RAB38: variants seen among roughly 807,000 people sequenced by gnomAD.
RAB38 encodes ras-related protein Rab-38.
RAB38 carries 15 observed loss-of-function variants against 18.4 expected under a neutral mutation model. The ratio of observed to expected loss-of-function variants is 0.82; its 90% CI spans 0.55 to 1.26. The LOEUF (loss-of-function observed/expected upper bound fraction) is 1.26, where lower values mean the gene tolerates loss of function less well. Among genes scored for constraint, RAB38 ranks in the 50% most tolerant of loss-of-function variants. RAB38 has a pLI of 0.00. For missense variants in RAB38, 294 were observed against 267.4 expected, an observed-to-expected ratio of 1.10 and a Z score of -0.69; for synonymous variants, 101 against 104.4, an observed-to-expected ratio of 0.97 and a Z score of 0.20.
chr11:87,827,355 T>A, the RAB38 span, among the ~76,000 whole-genome samples: 2 of 151,972 alleles, frequency 1.3e-5, no homozygotes, highest in African/African-American at 4.8e-5. Flanking sequence ...CTAGGTTTGA[T>A]TCTCTCTCAT....
chr11:88,072,092 A>C, the RAB38 span, among the ~76,000 whole-genome samples: 1 of 152,240 alleles, frequency 6.6e-6, no homozygotes, highest in African/African-American at 2.4e-5. Flanking sequence ...TGAGATAAAC[A>C]GTCTACCTTA....
At chr11:88,069,513 G>A in the RAB38 span, among the ~76,000 whole-genome samples, 1 of 152,244 alleles carries the variant, frequency 6.6e-6, no homozygotes, top group African/African-American at 2.4e-5. Flanking sequence ...GGGCTCCTGA[G>A]TGGGGTGGGG....
At chr11:87,883,732 C>A in the RAB38 span, among the ~76,000 whole-genome samples, 1 of 152,008 alleles carries the variant, frequency 6.6e-6, no homozygotes, top group African/African-American at 2.4e-5. Flanking sequence ...CAGTGGAAGA[C>A]AGGTCAGAGA....
chr11:88,138,552 T>A (rs948432163), intron 2 of RAB38, among the ~76,000 whole-genome samples: 1 of 151,892 alleles, frequency 6.6e-6, no homozygotes, highest in Non-Finnish European at 1.5e-5. Flanking sequence ...GAAGAAGAGA[T>A]CTGAATAGAG....
At chr11:87,894,099 A>G in the RAB38 span, among the ~76,000 whole-genome samples, 1 of 151,666 alleles carries the variant, frequency 6.6e-6, no homozygotes, top group African/African-American at 2.4e-5. Flanking sequence ...TTTCAGCAAC[A>G]TTTCATAGTT....
At chr11:88,064,692 A>C in the RAB38 span, among the ~76,000 whole-genome samples, 8 of 152,272 alleles carry the variant, frequency 5.3e-5, no homozygotes, top group African/African-American at 1.9e-4. Context: ...CTTTCCAAGT[A>C]ATAACACAAC....
At chr11:88,111,171 T>A (rs1328193840), downstream of RAB38, among the ~76,000 whole-genome samples, 2 of 152,152 alleles carry the variant, frequency 1.3e-5, no homozygotes, top group Admixed American at 1.3e-4. Flanking sequence ...AACTCAGACA[T>A]TTATCCCTGA....
chr11:88,116,227 G>C (rs1021735383), intron 2 of RAB38, among the ~76,000 whole-genome samples: 2 of 152,168 alleles, frequency 1.3e-5, no homozygotes, highest in African/African-American at 4.8e-5. Context: ...TGACTGAGTG[G>C]AAGCCTGTCC....
intron 1 of RAB38, among the ~76,000 whole-genome samples, chr11:88,150,810 T>C (rs924281971): frequency 7.2e-5 from 11 of 152,176 alleles, no homozygotes; most frequent in African/African-American, 1.4e-4. Flanking sequence ...CACTAAATTA[T>C]AGGCTTGTAC....
the RAB38 span, among the ~76,000 whole-genome samples, chr11:87,926,322 A>T: frequency 6.6e-6 from 1 of 152,030 alleles, no homozygotes; most frequent in Admixed American, 6.6e-5. Flanking sequence ...TTAAAAAAAT[A>T]ATAAAAATTA....
At chr11:88,040,805 G>C in the RAB38 span, among the ~76,000 whole-genome samples, 1 of 152,246 alleles carries the variant, frequency 6.6e-6, no homozygotes, top group South Asian at 2.1e-4. Context: ...TTCAATACAT[G>C]AATTTTGGTG....
At chr11:87,851,058 G>C in the RAB38 span, among the ~76,000 whole-genome samples, 1 of 152,106 alleles carries the variant, frequency 6.6e-6, no homozygotes. Context: ...CAGGGAGAGA[G>C]GCATTCACAC....
intron 1 of RAB38, among the ~76,000 whole-genome samples, chr11:88,161,805 C>A (rs1418055914): frequency 6.6e-6 from 1 of 151,996 alleles, no homozygotes; most frequent in Non-Finnish European, 1.5e-5. Flanking sequence ...GATTATTATG[C>A]TTTCATAATC....
the RAB38 span, among the ~76,000 whole-genome samples, chr11:87,804,274 T>G: frequency 1.3e-5 from 2 of 152,286 alleles, no homozygotes; most frequent in South Asian, 4.1e-4. Context: ...CTGAGTTGGG[T>G]AGAGGCAGTG....
At chr11:87,930,251 G>T in the RAB38 span, among the ~76,000 whole-genome samples, 1 of 152,024 alleles carries the variant, frequency 6.6e-6, no homozygotes, top group Admixed American at 6.6e-5. Context: ...TTTAATGATC[G>T]CCATTCTAAC....
At chr11:88,077,325 A>G in the RAB38 span, among the ~76,000 whole-genome samples, 1 of 152,160 alleles carries the variant, frequency 6.6e-6, no homozygotes, top group East Asian at 1.9e-4. Context: ...GAATTACTAA[A>G]GAGCCCAAAT....
At chr11:87,881,275 G>C in the RAB38 span, among the ~76,000 whole-genome samples, 522 of 151,924 alleles carry the variant, frequency 3.4e-3, 1 homozygote, top group African/African-American at 0.012. Flanking sequence ...TCAGAGCCCA[G>C]GATATTTGTT....
At chr11:88,142,038 A>T (rs1942921764) in intron 2 of RAB38, among the ~76,000 whole-genome samples, 1 of 150,882 alleles carries the variant, frequency 6.6e-6, no homozygotes, top group Non-Finnish European at 1.5e-5. Context: ...GCCTAGAGAG[A>T]TGAGGCCATG....
the RAB38 span, among the ~76,000 whole-genome samples, chr11:88,020,560 C>A: frequency 1.3e-5 from 2 of 152,166 alleles, no homozygotes; most frequent in Non-Finnish European, 2.9e-5. Context: ...AGAAACTCAA[C>A]AAAGAAACAT....
Sources: gnomAD v4.1 joint callset for allele counts (sites outside exome capture counted in the v4.1 genomes callset) on GRCh38, gnomAD v4.1.1 for gene constraint, MANE v1.5 for transcripts, NCBI Gene and HGNC (gene_info 2026-07-23, HGNC 2026-07-21) for gene names.